The following BTD variants were observed in gnomAD, a reference collection of about 807,000 sequenced individuals.
BTD encodes the protein biotinidase.
In BTD, 13 loss-of-function variants were observed where a neutral mutation model predicts 17.7. That is an observed-to-expected ratio of 0.74 (90% CI 0.48 to 1.17). BTD has a LOEUF of 1.17. BTD is among the 50% of genes most tolerant of loss of function. The pLI, the probability that BTD is intolerant of heterozygous loss-of-function variation, is 0.00. For synonymous variants in BTD, 240 were observed against 245.2 expected (o/e 0.98, Z 0.20); for missense variants, 674 against 650.4 (o/e 1.04, Z -0.39).
At chr3:15,700,958 C>G (rs2070497584) in intron 3 of BTD, among the ~76,000 whole-genome samples, 1 of 152,064 alleles carries the variant, frequency 6.6e-6, no homozygotes, top group African/African-American at 2.4e-5. Flanking sequence ...GTTCAAATTC[C>G]AAGTCTATAA....
At chr3:15,625,781 T>C (rs556169359) in intron 1 of BTD, among the ~76,000 whole-genome samples, 1 of 152,222 alleles carries the variant, frequency 6.6e-6, no homozygotes, top group East Asian at 1.9e-4. Flanking sequence ...GGTCTCGATC[T>C]CTTGACCTCG....
chr3:15,692,293 TAAAG>T (rs2068914930), intron 3 of BTD, among the ~76,000 whole-genome samples: 1 of 151,160 alleles, frequency 6.6e-6, no homozygotes, highest in South Asian at 2.1e-4. Flanking sequence ...TACAAAAAAA[TAAAG>T]AATTAGTCGG....
intron 1 of BTD, among the ~76,000 whole-genome samples, chr3:15,603,003 A>G (rs750729528): frequency 3.3e-5 from 5 of 152,154 alleles, no homozygotes; most frequent in Non-Finnish European, 7.4e-5. Flanking sequence ...GGCAGGCAAG[A>G]GAGCGTGTGC....
At chr3:15,716,931 T>C (rs377623847), downstream of BTD, among the ~76,000 whole-genome samples, 16 of 152,152 alleles carry the variant, frequency 1.1e-4, no homozygotes, top group East Asian at 5.8e-4. Context: ...CACTGCACTC[T>C]GGGCTGGTCA....
At chr3:15,631,159 A>G (rs1470547876) in intron 1 of BTD, among the ~76,000 whole-genome samples, 2 of 152,226 alleles carry the variant, frequency 1.3e-5, no homozygotes, top group African/African-American at 4.8e-5. Flanking sequence ...GCATTCAGTC[A>G]CTACACATAG....
upstream of BTD, chr3:15,601,631 T>A: frequency 6.4e-7 from 1 of 1,555,914 alleles, no homozygotes; most frequent in Non-Finnish European, 8.7e-7. Flanking sequence ...TCTAAATTCG[T>A]CCACTTCCCG....
rs1336319191 is a variant in BTD at position 15,635,142 on chromosome 3, C to T, written c.-16-282C>T. Among the ~76,000 whole-genome samples the T allele has an allele frequency of 6.6e-6, 1 of 152,334 alleles. No homozygotes were observed. Among genetic ancestry groups the T allele is most frequent in the East Asian group, 1.9e-4 (1 of 5,184 alleles). On this transcript the variant is annotated intron_variant, in intron 1 of 3. Coordinates refer to ENST00000643237, the MANE Select transcript of BTD (RefSeq NM_001370658.1). The surrounding 1 kb of genome is among the most constrained non-coding windows in gnomAD (Gnocchi z 4.1). ...AAAGTGGGTAGTGACGCACTACAGT[C>T]TTGCTGAACACTGGGTAAGAAAATC...
chr3:15,622,416 A>T (rs1224065112), intron 1 of BTD, among the ~76,000 whole-genome samples: 1 of 152,116 alleles, frequency 6.6e-6, no homozygotes, highest in Non-Finnish European at 1.5e-5. Context: ...GAGAGCAGAT[A>T]TTGTATTATT....
intron 3 of BTD, among the ~76,000 whole-genome samples, chr3:15,701,873 G>A (rs990889563): frequency 1.3e-5 from 2 of 152,046 alleles, no homozygotes; most frequent in Non-Finnish European, 2.9e-5. Context: ...TGCTCACTGG[G>A]ATGCAGAAAA....
intron 3 of BTD, among the ~76,000 whole-genome samples, chr3:15,704,509 C>T (rs1027717521): frequency 6.6e-6 from 1 of 151,948 alleles, no homozygotes; most frequent in African/African-American, 2.4e-5. Context: ...TTTTAAAAAA[C>T]CATTTAAAAA....
At chr3:15,636,225 A>C (rs1365170797) in intron 2 of BTD, among the ~76,000 whole-genome samples, 1 of 152,224 alleles carries the variant, frequency 6.6e-6, no homozygotes, top group African/African-American at 2.4e-5. Context: ...TCACTGAAGT[A>C]GTAAGCATCT....
intron 1 of BTD, among the ~76,000 whole-genome samples, chr3:15,602,933 A>C (rs1403534187): frequency 1.3e-5 from 2 of 152,204 alleles, no homozygotes; most frequent in Admixed American, 6.5e-5. Context: ...CCAAATGGCT[A>C]CGGAGGCCTC....
intron 3 of BTD, among the ~76,000 whole-genome samples, chr3:15,667,061 G>C (rs538820093): frequency 6.6e-6 from 1 of 152,274 alleles, no homozygotes; most frequent in African/African-American, 2.4e-5. Context: ...CAGCAGGCAA[G>C]CAGTATTTGT....
intron 3 of BTD, chr3:15,686,290 T>C (rs2068118920): frequency 1.3e-6 from 2 of 1,584,654 alleles, no homozygotes; most frequent in Admixed American, 1.8e-5. Flanking sequence ...GCCGTAAGCA[T>C]TCTGAATGAC....
chr3:15,619,424 ATCTT>A (rs2064885223), intron 1 of BTD, among the ~76,000 whole-genome samples: 1 of 152,138 alleles, frequency 6.6e-6, no homozygotes, highest in Non-Finnish European at 1.5e-5. Flanking sequence ...AGGCCATGTG[ATCTT>A]TCTTATTTAG....
chr3:15,696,039 T>G (rs901666863), intron 3 of BTD: 6 of 860,772 alleles, frequency 7.0e-6, no homozygotes, highest in Non-Finnish European at 1.1e-5. Flanking sequence ...AAAAACAAAA[T>G]GGAATTTGTT....
intron 1 of BTD, among the ~76,000 whole-genome samples, chr3:15,613,300 T>C (rs2064690524): frequency 6.6e-6 from 1 of 152,232 alleles, no homozygotes; most frequent in Non-Finnish European, 1.5e-5. Flanking sequence ...TCCCTGTCTA[T>C]CATTTTCTGT....
chr3:15,608,951 T>C (rs1292229118), intron 1 of BTD, among the ~76,000 whole-genome samples: 3 of 152,198 alleles, frequency 2.0e-5, no homozygotes, highest in Non-Finnish European at 4.4e-5. Flanking sequence ...TTTAACTTTT[T>C]AATTTGTACT....
intron 3 of BTD, among the ~76,000 whole-genome samples, chr3:15,703,232 A>G (rs1406824564): frequency 6.6e-6 from 1 of 152,254 alleles, no homozygotes; most frequent in Non-Finnish European, 1.5e-5. Context: ...ACCTCTACAC[A>G]CAAAAAACTG....
Sources: allele counts gnomAD v4.1 joint callset (sites outside exome capture counted in the v4.1 genomes callset), GRCh38; gene constraint gnomAD v4.1.1; non-coding constraint Gnocchi (gnomAD v3.1); transcripts MANE v1.5; gene names NCBI Gene and HGNC (gene_info 2026-07-23, HGNC 2026-07-21).